FAM227B: variants seen among roughly 807,000 people sequenced by gnomAD.
The protein encoded by FAM227B is family with sequence similarity 227 member B.
Under a neutral mutation model 73.8 loss-of-function variants are expected in FAM227B, and 88 were observed. The observed-to-expected ratio is 1.19, with a 90% CI of 1.00 to 1.42. The LOEUF is 1.42. Among genes scored for constraint, FAM227B ranks in the 40% most tolerant of loss-of-function variants. FAM227B has a pLI of 0.00. For missense variants in FAM227B, 632 were observed against 590.9 expected (o/e 1.07, Z -0.72); for synonymous variants, 210 against 190.5 (o/e 1.10, Z -0.84).
At chr15:49,423,983 A>T in intron 11 of FAM227B, 2 of 241,158 alleles carry the variant, frequency 8.3e-6, no homozygotes, top group African/African-American at 2.2e-5. Context: ...ACAATTTTTT[A>T]TCTTCCTCTC....
chr15:49,513,209 C>T (rs963172100), intron 10 of FAM227B, among the ~76,000 whole-genome samples: 1 of 152,044 alleles, frequency 6.6e-6, no homozygotes, highest in South Asian at 2.1e-4. Context: ...GAACTAATTT[C>T]CATTCCCACC....
intron 10 of FAM227B, 81 bp downstream of exon 10, chr15:49,541,599 T>C: frequency 8.2e-7 from 1 of 1,215,504 alleles, no homozygotes. Context: ...CCAATATTTT[T>C]GGATGGAATA....
At chr15:49,371,750 C>T (rs1464739923) in intron 11 of FAM227B, among the ~76,000 whole-genome samples, 3 of 126,740 alleles carry the variant, frequency 2.4e-5, no homozygotes, top group African/African-American at 9.1e-5. Context: ...ATAAAATTCA[C>T]TTATAAATAA....
intron 11 of FAM227B, among the ~76,000 whole-genome samples, chr15:49,398,209 T>A (rs1018476913): frequency 4.6e-5 from 7 of 152,062 alleles, no homozygotes; most frequent in Non-Finnish European, 7.4e-5. Flanking sequence ...CAGTCTCTGA[T>A]ACAACAGACT....
chr15:49,565,000 G>T (rs968514383), intron 9 of FAM227B, among the ~76,000 whole-genome samples: 1 of 152,076 alleles, frequency 6.6e-6, no homozygotes, highest in Non-Finnish European at 1.5e-5. Flanking sequence ...TGATGCATAT[G>T]AGCCATAGCA....
rs148534447 is a variant in FAM227B, at chr15:49,454,377, T to A, written c.1012+53834A>T. 1.1e-3 allele frequency among the ~76,000 whole-genome samples: 167 copies of A among 152,318 alleles called. 1 individual carries two copies. Among genetic ancestry groups the A allele is most frequent in the Middle Eastern group, 6.8e-3 (2 of 294 alleles). On this transcript the variant is annotated intron_variant, in intron 11 of 15. Transcript: ENST00000299338. ...TATAAAGTAAAGGAAAAAACACTAA[T>A]ATCATCCTAGGTAAAAATCCTGGTA...
intron 11 of FAM227B, among the ~76,000 whole-genome samples, chr15:49,498,155 T>C (rs2057791060): frequency 6.6e-6 from 1 of 152,194 alleles, no homozygotes; most frequent in Non-Finnish European, 1.5e-5. Flanking sequence ...CTTAATTTAA[T>C]TATAAGCCTG....
At chr15:49,360,756 T>C (rs1176874553) in intron 13 of FAM227B, among the ~76,000 whole-genome samples, 4 of 152,222 alleles carry the variant, frequency 2.6e-5, no homozygotes, top group African/African-American at 9.6e-5. Context: ...CCAAAAATTA[T>C]ATTTAAATGT....
chr15:49,487,430 T>C (rs1351407609), intron 11 of FAM227B: 1 of 151,592 alleles, frequency 6.6e-6, no homozygotes, highest in Non-Finnish European at 1.5e-5. Context: ...AATTATAATA[T>C]AAAAAATAAA....
At chr15:49,535,724 T>C (rs1175592152) in intron 10 of FAM227B, among the ~76,000 whole-genome samples, 1 of 151,884 alleles carries the variant, frequency 6.6e-6, no homozygotes, top group Non-Finnish European at 1.5e-5. Flanking sequence ...CATCACTAAG[T>C]AGGCTTTATC....
At chr15:49,418,440 G>T (rs1409769978) in intron 11 of FAM227B, among the ~76,000 whole-genome samples, 3 of 152,196 alleles carry the variant, frequency 2.0e-5, no homozygotes, top group Non-Finnish European at 4.4e-5. Flanking sequence ...ACTGGATAAA[G>T]AAAATGTGGT....
intron 11 of FAM227B, among the ~76,000 whole-genome samples, chr15:49,382,516 T>A (rs2046609764): frequency 6.6e-6 from 1 of 152,076 alleles, no homozygotes; most frequent in Non-Finnish European, 1.5e-5. Context: ...CATATTCATG[T>A]AGAAATGACT....
chr15:49,422,485 T>C (rs994258796), intron 11 of FAM227B: 12 of 1,252,790 alleles, frequency 9.6e-6, no homozygotes, highest in Non-Finnish European at 1.1e-5. Context: ...AACCATTTCC[T>C]CCTTTTTAAA....
Position 49,543,520 on chromosome 15 carries a change from CTGTT to C in FAM227B, c.748-1718_748-1715del, listed in dbSNP as rs1313799596. Among the ~76,000 whole-genome samples the C allele has an allele frequency of 4.6e-5, 7 of 152,132 alleles. 1 individual carries two copies. Among genetic ancestry groups the C allele is most frequent in the African/African-American group, 1.7e-4 (7 of 41,536 alleles). Reference sequence around the variant, plus strand: ...GCTTTTTAGTTTAATTAAGTCCCATCTGTTTGTTTTTGTTTTTGTTGAATTTGCT... The same window carrying C: ...GCTTTTTAGTTTAATTAAGTCCCATCTGTTTTTGTTTTTGTTGAATTTGCT... On this transcript the variant is annotated intron_variant, in intron 9 of 15. Coordinates refer to ENST00000299338, the MANE Select transcript of FAM227B (RefSeq NM_152647.3).
rs867509501 is a variant in FAM227B at position 49,356,129 on chromosome 15, T to C, written c.1271+11319A>G. On this transcript the variant is annotated intron_variant, in intron 13 of 15. Coordinates refer to ENST00000299338, the MANE Select transcript of FAM227B (RefSeq NM_152647.3). ...AAGGAACAACCGGTACCAGCCGCTG[T>C]AAAATCATGCCAAAATGTAAAGACC... 1.5e-3 allele frequency among the ~76,000 whole-genome samples: 230 copies of C among 151,652 alleles called. 1 individual carries two copies. Among genetic ancestry groups the C allele is most frequent in the Middle Eastern group, 0.014 (4 of 286 alleles).
At chr15:49,394,971 A>G (rs1043390631) in intron 11 of FAM227B, among the ~76,000 whole-genome samples, 7 of 152,170 alleles carry the variant, frequency 4.6e-5, no homozygotes, top group African/African-American at 1.7e-4. Flanking sequence ...TTCTTTAACA[A>G]TTCTTTGTCA....
intron 4 of FAM227B, among the ~76,000 whole-genome samples, chr15:49,588,381 A>G (rs1393469602): frequency 6.6e-6 from 1 of 150,582 alleles, no homozygotes; most frequent in African/African-American, 2.4e-5. Context: ...AAAAGTCCAC[A>G]TTTTTCAAAT....
chr15:49,539,153 T>C (rs528066243), intron 10 of FAM227B, among the ~76,000 whole-genome samples: 5 of 152,230 alleles, frequency 3.3e-5, no homozygotes, highest in African/African-American at 1.2e-4. Context: ...TGTTTCTGGC[T>C]TGGTGAGCAT....
rs2056886698 is a variant in FAM227B, at chr15:49,489,871, TATATATATATATAGAGAG to T, written c.1012+18322_1012+18339del. Among the ~76,000 whole-genome samples, 21 of 15,800 alleles carry T rather than the reference TATATATATATATAGAGAG, an allele frequency of 1.3e-3. No individual in the cohort carries two copies. The East Asian group carries it at 0.018, about 13-fold the overall frequency. The allele number at this position is 15,800 out of a possible 152,430, so 10.4% of individuals were successfully genotyped here. On this transcript the variant is annotated intron_variant, in intron 11 of 15. Coordinates refer to ENST00000299338, the MANE Select transcript of FAM227B (RefSeq NM_152647.3). ...TATATATATATATTTTATATATATA[TATATATATATATAGAGAG>T]AGAGAGAGAGAGAGAGAGAGAGAGA...
Sources: allele counts gnomAD v4.1 joint callset (sites outside exome capture counted in the v4.1 genomes callset), GRCh38; gene constraint gnomAD v4.1.1; transcripts MANE v1.5; gene names NCBI Gene and HGNC (gene_info 2026-07-23, HGNC 2026-07-21).